CCDC146: variants seen among roughly 807,000 people sequenced by gnomAD.
CCDC146 encodes the protein coiled-coil domain-containing protein 146.
CCDC146 carries 92 observed loss-of-function variants against 119.3 expected under a neutral mutation model. The observed-to-expected ratio is 0.77, with a 90% CI of 0.65 to 0.92. CCDC146 has a LOEUF of 0.92. CCDC146 is among the 40% of genes least tolerant of loss of function. The pLI, the probability that CCDC146 is intolerant of heterozygous loss-of-function variation, is 0.00. For missense variants in CCDC146, 1,000 were observed against 1,103.0 expected (o/e 0.91, Z 1.32); for synonymous variants, 372 against 371.8 (o/e 1.00, Z -0.01).
chr7:77,279,982 G>T (rs1329019720), intron 13 of CCDC146, among the ~76,000 whole-genome samples: 2 of 152,130 alleles, frequency 1.3e-5, no homozygotes, highest in South Asian at 2.1e-4. Context: ...TTCCTAATCA[G>T]GTTCTCATCC....
chr7:77,271,709 T>A (rs1236883217), intron 9 of CCDC146, among the ~76,000 whole-genome samples: 1 of 151,560 alleles, frequency 6.6e-6, no homozygotes, highest in Non-Finnish European at 1.5e-5. Flanking sequence ...AATTCCTGCC[T>A]GAAACTAGAG....
chr7:77,175,321 A>C (rs1170544402), intron 2 of CCDC146, among the ~76,000 whole-genome samples: 1 of 150,052 alleles, frequency 6.7e-6, no homozygotes, highest in Non-Finnish European at 1.5e-5. Context: ...AATCATTGTT[A>C]AGTAAGTCTT....
chr7:77,207,957 A>G (rs1364726340), intron 2 of CCDC146, among the ~76,000 whole-genome samples: 1 of 152,226 alleles, frequency 6.6e-6, no homozygotes, highest in African/African-American at 2.4e-5. Flanking sequence ...CTTACTTTGC[A>G]TTTATTGGAC....
intron 3 of CCDC146, among the ~76,000 whole-genome samples, chr7:77,239,046 T>C (rs1443966655): frequency 6.6e-6 from 1 of 152,208 alleles, no homozygotes; most frequent in Non-Finnish European, 1.5e-5. Context: ...TGGGCAGATA[T>C]AGCCTGGAAA....
chr7:77,256,121 T>G (rs1404587440), intron 5 of CCDC146, among the ~76,000 whole-genome samples: 1 of 152,232 alleles, frequency 6.6e-6, no homozygotes, highest in Non-Finnish European at 1.5e-5. Flanking sequence ...TAATTATACA[T>G]GCAGTATCAT....
intron 2 of CCDC146, among the ~76,000 whole-genome samples, chr7:77,176,897 A>G (rs915879115): frequency 6.6e-6 from 1 of 152,078 alleles, no homozygotes; most frequent in Non-Finnish European, 1.5e-5. Flanking sequence ...GTGCAGTGAC[A>G]CAATCTCAGC....
At chr7:77,190,402 C>A (rs1400602306) in intron 2 of CCDC146, among the ~76,000 whole-genome samples, 1 of 152,202 alleles carries the variant, frequency 6.6e-6, no homozygotes, top group Non-Finnish European at 1.5e-5. Context: ...TATAAGTTAG[C>A]AAAGTTGTGC....
intron 1 of CCDC146, among the ~76,000 whole-genome samples, chr7:77,126,887 A>G (rs1790696066): frequency 1.3e-5 from 2 of 152,032 alleles, no homozygotes; most frequent in South Asian, 4.1e-4. Context: ...CCCAGCCTTC[A>G]GGCCCTCCCT....
intron 1 of CCDC146, among the ~76,000 whole-genome samples, chr7:77,134,031 C>T (rs1790825747): frequency 6.6e-6 from 1 of 152,182 alleles, no homozygotes; most frequent in South Asian, 2.1e-4. Flanking sequence ...TCCACACATA[C>T]TCAAGTCCCT....
intron 15 of CCDC146, 118 bp downstream of exon 15, chr7:77,282,903 T>A: frequency 1.5e-6 from 1 of 671,758 alleles, no homozygotes; most frequent in Non-Finnish European, 2.6e-6. Flanking sequence ...CCTATAAGAA[T>A]CCATCCATCT....
At chr7:77,267,986 AAC>A (rs1302182076) in intron 9 of CCDC146, among the ~76,000 whole-genome samples, 2 of 152,220 alleles carry the variant, frequency 1.3e-5, no homozygotes, top group Non-Finnish European at 2.9e-5. Context: ...AGCAAGGGAG[AAC>A]ACACGCCATG....
chr7:77,155,417 C>G (rs1025773334), intron 1 of CCDC146, among the ~76,000 whole-genome samples: 3 of 151,978 alleles, frequency 2.0e-5, no homozygotes, highest in African/African-American at 7.3e-5. Flanking sequence ...TGACAGAAGT[C>G]AAATTGTGTC....
intron 9 of CCDC146, among the ~76,000 whole-genome samples, chr7:77,271,884 T>C (rs1016549388): frequency 6.6e-6 from 1 of 152,020 alleles, no homozygotes; most frequent in East Asian, 1.9e-4. Context: ...TTAGTTGACA[T>C]AGTAGCTAGT....
chr7:77,267,015 A>G (rs1418965827), intron 9 of CCDC146, among the ~76,000 whole-genome samples: 1 of 146,996 alleles, frequency 6.8e-6, no homozygotes, highest in Non-Finnish European at 1.5e-5. Flanking sequence ...TTTTTGAGAC[A>G]GAGTCTCAGT....
intron 2 of CCDC146, among the ~76,000 whole-genome samples, chr7:77,211,542 G>A (rs1792183908): frequency 1.3e-5 from 2 of 152,040 alleles, no homozygotes; most frequent in Non-Finnish European, 2.9e-5. Context: ...ACCTTGAAGG[G>A]TTATTCACCA....
At chr7:77,129,355 A>C (rs891746408) in intron 1 of CCDC146, among the ~76,000 whole-genome samples, 4 of 152,024 alleles carry the variant, frequency 2.6e-5, no homozygotes, top group Admixed American at 1.3e-4. Context: ...GCTCCAAAGC[A>C]CAAGAGTAGT....
At chr7:77,191,679 T>C (rs961229379) in intron 2 of CCDC146, among the ~76,000 whole-genome samples, 8 of 151,830 alleles carry the variant, frequency 5.3e-5, no homozygotes, top group African/African-American at 1.2e-4. Flanking sequence ...GAGGCCAAGG[T>C]GGGCGGATCA....
chr7:77,254,445 G>C, intron 4 of CCDC146, 61 bp from the exon 5 acceptor site: 1 of 921,092 alleles, frequency 1.1e-6, no homozygotes, highest in Non-Finnish European at 1.7e-6. Context: ...ATAGAAAGTT[G>C]TTATTACAGA....
chr7:77,139,441 T>C (rs1461423843), intron 1 of CCDC146, among the ~76,000 whole-genome samples: 3 of 152,240 alleles, frequency 2.0e-5, no homozygotes, highest in Non-Finnish European at 4.4e-5. Context: ...TAACGATGGA[T>C]ACCTGTCATT....
Sources: gnomAD v4.1 joint callset for allele counts (sites outside exome capture counted in the v4.1 genomes callset) on GRCh38, gnomAD v4.1.1 for gene constraint, MANE v1.5 for transcripts, NCBI Gene and HGNC (gene_info 2026-07-23, HGNC 2026-07-21) for gene names.